Variants in ATE1 observed in about 807,000 individuals in gnomAD.
The protein encoded by ATE1 is arginyltransferase 1.
In ATE1, 36 loss-of-function variants were observed where a neutral mutation model predicts 70.5. The observed-to-expected ratio is 0.51, with a 90% CI of 0.39 to 0.67. ATE1 has a LOEUF of 0.67. ATE1 is among the 30% of genes least tolerant of loss of function. ATE1 has a pLI of 0.00. For synonymous variants in ATE1, 232 were observed against 219.3 expected (o/e 1.06, Z -0.51); for missense variants, 593 against 629.5 (o/e 0.94, Z 0.62).
chr10:121,825,471 T>A (rs2133633547), intron 10 of ATE1, among the ~76,000 whole-genome samples: 2 of 152,306 alleles, frequency 1.3e-5, no homozygotes, highest in East Asian at 3.9e-4. Context: ...GTTTCTCCCA[T>A]TACCAACCAT....
chr10:121,814,715 G>A (rs1383928350), intron 10 of ATE1, among the ~76,000 whole-genome samples: 2 of 152,154 alleles, frequency 1.3e-5, no homozygotes, highest in Non-Finnish European at 2.9e-5. Flanking sequence ...GCATCCTGGC[G>A]GGATGAGGAA....
intron 8 of ATE1, among the ~76,000 whole-genome samples, chr10:121,855,848 G>C (rs1245620712): frequency 6.6e-6 from 1 of 152,062 alleles, no homozygotes; most frequent in Non-Finnish European, 1.5e-5. Flanking sequence ...GCTGAGGTAG[G>C]AGGATCACCT....
At chr10:121,817,402 A>G (rs578086782) in intron 10 of ATE1, among the ~76,000 whole-genome samples, 17 of 152,208 alleles carry the variant, frequency 1.1e-4, no homozygotes, top group Admixed American at 2.6e-4. Flanking sequence ...AGCCGGGCGC[A>G]GTGGCGGGCG....
At chr10:121,789,486 A>C (rs1239175705) in intron 11 of ATE1, among the ~76,000 whole-genome samples, 1 of 151,804 alleles carries the variant, frequency 6.6e-6, no homozygotes, top group African/African-American at 2.4e-5. Context: ...TTTAGTAGAG[A>C]GGAGGTTTCA....
intron 11 of ATE1, among the ~76,000 whole-genome samples, chr10:121,783,081 T>C (rs1946063261): frequency 6.6e-6 from 1 of 152,212 alleles, no homozygotes. Flanking sequence ...TACAATTTCT[T>C]TCTTTCTTTT....
chr10:121,859,535 C>T (rs928930340), intron 8 of ATE1, among the ~76,000 whole-genome samples: 3 of 152,046 alleles, frequency 2.0e-5, no homozygotes, highest in South Asian at 2.1e-4. Flanking sequence ...GGATTACAGG[C>T]GTGAGCCACA....
intron 10 of ATE1, among the ~76,000 whole-genome samples, chr10:121,822,091 G>A (rs757568999): frequency 5.3e-5 from 8 of 152,064 alleles, no homozygotes; most frequent in African/African-American, 1.7e-4. Context: ...CAAAGAACAC[G>A]TAACATAATG....
intron 8 of ATE1, among the ~76,000 whole-genome samples, chr10:121,844,953 T>C (rs913684718): frequency 1.3e-5 from 2 of 152,106 alleles, no homozygotes; most frequent in East Asian, 1.9e-4. Context: ...AGAAAGTCTA[T>C]TGGGGCAATT....
At chr10:121,910,633 C>T (rs1218088532) in intron 5 of ATE1, among the ~76,000 whole-genome samples, 2 of 149,944 alleles carry the variant, frequency 1.3e-5, no homozygotes. Flanking sequence ...ATTCTCAACC[C>T]TGTAAGGCCC....
At chr10:121,835,022 A>G (rs1948381734) in intron 10 of ATE1, among the ~76,000 whole-genome samples, 1 of 152,198 alleles carries the variant, frequency 6.6e-6, no homozygotes, top group African/African-American at 2.4e-5. Context: ...CTAGTACCAG[A>G]TGAAAATGAG....
chr10:121,884,848 C>T lies in ATE1; in HGVS notation c.943-14810G>A, dbSNP rs533517337. ...TTGTCACGGACCTTGACACAGACTACAATACACAAGTGTTCCCTGACTTAG... is the reference window on the plus strand; with the variant it reads ...TTGTCACGGACCTTGACACAGACTATAATACACAAGTGTTCCCTGACTTAG... On this transcript the variant is annotated intron_variant, in intron 7 of 11. Coordinates refer to ENST00000224652, the MANE Select transcript of ATE1 (RefSeq NM_001001976.3). 4.8e-4 allele frequency among the ~76,000 whole-genome samples: 73 copies of T among 152,264 alleles called. 1 individual carries two copies. In the South Asian group the frequency reaches 0.014, roughly 29 times the overall value.
chr10:121,928,366 CT>C, upstream of ATE1: 1 of 1,533,428 alleles, frequency 6.5e-7, no homozygotes, highest in East Asian at 2.6e-5. Flanking sequence ...CTTTGCCCTC[CT>C]TGGAATCGCA....
chr10:121,797,350 A>G (rs969179575), intron 10 of ATE1, among the ~76,000 whole-genome samples: 3 of 152,268 alleles, frequency 2.0e-5, no homozygotes, highest in African/African-American at 7.2e-5. Flanking sequence ...TAATTCATAT[A>G]CCATTAAATT....
At chr10:121,880,357 A>C (rs1351862897) in intron 7 of ATE1, among the ~76,000 whole-genome samples, 1 of 152,080 alleles carries the variant, frequency 6.6e-6, no homozygotes, top group African/African-American at 2.4e-5. Flanking sequence ...GTGGGCTAAA[A>C]CATACAAGAA....
intron 7 of ATE1, 62 bp from the exon 8 acceptor site, chr10:121,870,100 G>A (rs1402219236): frequency 1.4e-6 from 2 of 1,469,338 alleles, no homozygotes; most frequent in African/African-American, 1.4e-5. Flanking sequence ...AAGGAACACA[G>A]AGAAAAAGAA....
chr10:121,743,529 G>A lies in ATE1; in HGVS notation c.*151C>T, dbSNP rs1944214833. ...ACTATGAGATTCTCACAGATACATT[G>A]CCACAAAATATTTTTTAAAAGCCAT... On this transcript the variant is annotated 3_prime_UTR_variant, in exon 12 of 12. Coordinates refer to ENST00000224652, the MANE Select transcript of ATE1 (RefSeq NM_001001976.3). 7.6e-7 allele frequency: 1 copy of A among 1,317,748 alleles called. No individual in the cohort carries two copies. Among genetic ancestry groups the A allele is most frequent in the Admixed American group, 3.6e-5 (1 of 27,928 alleles). The allele number at this position is 1,317,748 out of a possible 1,614,324, so 81.6% of individuals were successfully genotyped here.
At chr10:121,827,866 A>G (rs770656338) in intron 10 of ATE1, among the ~76,000 whole-genome samples, 20 of 152,238 alleles carry the variant, frequency 1.3e-4, no homozygotes, top group Non-Finnish European at 2.6e-4. Context: ...AAACCAAAAA[A>G]TTCAACAAAA....
At chr10:121,813,009 T>C (rs1478447659) in intron 10 of ATE1, among the ~76,000 whole-genome samples, 1 of 152,246 alleles carries the variant, frequency 6.6e-6, no homozygotes, top group African/African-American at 2.4e-5. Flanking sequence ...TACTTGTTTG[T>C]TAAAATTCTC....
At chr10:121,814,974 T>C (rs1462761663) in intron 10 of ATE1, among the ~76,000 whole-genome samples, 1 of 152,212 alleles carries the variant, frequency 6.6e-6, no homozygotes, top group Admixed American at 6.5e-5. Flanking sequence ...ATAAAGTGTA[T>C]TTAGCTGCTA....
Sources: gnomAD v4.1 joint callset for allele counts (sites outside exome capture counted in the v4.1 genomes callset) on GRCh38, gnomAD v4.1.1 for gene constraint, MANE v1.5 for transcripts, NCBI Gene and HGNC (gene_info 2026-07-23, HGNC 2026-07-21) for gene names.